The following PTPRD variants were observed in gnomAD, a reference collection of about 807,000 sequenced individuals.
PTPRD encodes the protein protein tyrosine phosphatase receptor type D.
Under a neutral mutation model 214.5 loss-of-function variants are expected in PTPRD, and 34 were observed. The ratio of observed to expected loss-of-function variants is 0.16; its 90% CI spans 0.12 to 0.21. The LOEUF (loss-of-function observed/expected upper bound fraction) is 0.21, where lower values mean the gene tolerates loss of function less well. PTPRD is among the 10% of genes least tolerant of loss of function. The probability of loss-of-function intolerance (pLI) is 1.00; values close to 1 mark genes in which losing one functional copy is unlikely to be tolerated. For synonymous variants in PTPRD, 1,128 were observed against 845.7 expected (o/e 1.33, Z -5.79); for missense variants, 2,545 against 2,398.7 (o/e 1.06, Z -1.27).
chr9:9,121,525 C>T (rs1173382769), intron 10 of PTPRD, among the ~76,000 whole-genome samples: 1 of 152,052 alleles, frequency 6.6e-6, no homozygotes, highest in Non-Finnish European at 1.5e-5. Context: ...TTTGCAATGA[C>T]CTGGATGAGT....
rs1023105294 is a variant in PTPRD at position 8,314,395 on chromosome 9, G to A, written c.*3479C>T. The A allele has an allele frequency of 5.7e-5, 13 of 229,464 alleles. No homozygotes were observed. In the South Asian group the frequency reaches 9.1e-4, roughly 16 times the overall value. The allele number at this position is 229,464 out of a possible 1,614,324, so 14.2% of individuals were successfully genotyped here. On this transcript the variant is annotated 3_prime_UTR_variant, in exon 46 of 46. Coordinates refer to ENST00000381196, the MANE Select transcript of PTPRD (RefSeq NM_002839.4). The stretch of plus-strand genomic sequence containing the variant: ...GCCTTTCATTCTGTAAAACATTTAC[G>A]CGTACTACTAATTAGAGGTAATTGT...
intron 12 of PTPRD, among the ~76,000 whole-genome samples, chr9:8,704,403 G>A (rs943496585): frequency 2.6e-5 from 4 of 152,130 alleles, no homozygotes; most frequent in African/African-American, 9.7e-5. Context: ...GAAGGAGGAT[G>A]GGAAGAAGGA....
At chr9:9,168,547 G>C (rs996615473) in intron 10 of PTPRD, among the ~76,000 whole-genome samples, 2 of 152,060 alleles carry the variant, frequency 1.3e-5, no homozygotes, top group Admixed American at 1.3e-4. Context: ...AATGTCTTTT[G>C]TTTAAAATAC....
chr9:9,269,442 G>A (rs1185224778), intron 9 of PTPRD, among the ~76,000 whole-genome samples: 1 of 134,784 alleles, frequency 7.4e-6, no homozygotes, highest in East Asian at 2.3e-4. Flanking sequence ...AAAACAATAT[G>A]GAGGTTCCTC....
chr9:8,518,088 A>C lies in PTPRD; in HGVS notation c.1303T>G (p.Leu435Val). The change falls in exon 21 of 46, where the codon TTG (leucine) becomes GTG (valine). Residue 435 changes from leucine (L) to valine (V), a missense_variant. Physicochemically the swap from Leu to Val is conservative, Grantham distance 32 (BLOSUM62 1). Coordinates refer to ENST00000381196, the MANE Select transcript of PTPRD (RefSeq NM_002839.4). ...QARMLSSTTI[L>V]VQWKEPEEPN... ...TCTTCAGGTTCCTTCCACTGTACCA[A>C]AATGGTGGTCGAACTCAACATTCGT... The C allele has an allele frequency of 6.2e-7, 1 of 1,614,194 alleles. No individual in the cohort carries two copies.
intron 8 of PTPRD, among the ~76,000 whole-genome samples, chr9:9,467,588 C>CAAAGAAAAAAAAAAA (rs2094287005): frequency 1.8e-5 from 1 of 55,954 alleles, no homozygotes; most frequent in Non-Finnish European, 3.2e-5. Context: ...CTCCATCTCC[C>CAAAGAAAAAAAAAAA]AAAAAAAAAA....
intron 5 of PTPRD, among the ~76,000 whole-genome samples, chr9:9,791,095 G>C (rs1012468207): frequency 9.2e-5 from 14 of 152,108 alleles, no homozygotes; most frequent in African/African-American, 3.4e-4. Flanking sequence ...GTAAAATTTT[G>C]TTACAGATTT....
At chr9:10,572,480 A>G (rs1285978331) in intron 2 of PTPRD, among the ~76,000 whole-genome samples, 1 of 152,156 alleles carries the variant, frequency 6.6e-6, no homozygotes, top group Non-Finnish European at 1.5e-5. Context: ...ACTTGTTCCT[A>G]TGAGGTAAAG....
chr9:10,065,190 A>AGAAAGAAAGAAAGAAAGAAG, intron 3 of PTPRD, among the ~76,000 whole-genome samples: 3 of 151,876 alleles, frequency 2.0e-5, no homozygotes, highest in Non-Finnish European at 4.4e-5. Context: ...AAAGAAAGAA[A>AGAAAGAAAGAAAGAAAGAAG]GAAAAGGATG....
chr9:8,817,039 T>C (rs1200687924), intron 11 of PTPRD, among the ~76,000 whole-genome samples: 1 of 152,220 alleles, frequency 6.6e-6, no homozygotes, highest in African/African-American at 2.4e-5. Context: ...ATCAACAATA[T>C]GAACCCCTTT....
chr9:10,354,969 T>G (rs2097250408), intron 2 of PTPRD, among the ~76,000 whole-genome samples: 1 of 152,188 alleles, frequency 6.6e-6, no homozygotes. Context: ...TACATTGTAT[T>G]TGCTAAATAG....
intron 10 of PTPRD, among the ~76,000 whole-genome samples, chr9:9,111,779 C>T (rs1591801144): frequency 1.3e-5 from 2 of 152,134 alleles, no homozygotes; most frequent in East Asian, 3.9e-4. Context: ...TTGAGGAAAA[C>T]ATTTTTTAAA....
chr9:9,376,949 A>G (rs1483349438), intron 9 of PTPRD, among the ~76,000 whole-genome samples: 1 of 152,112 alleles, frequency 6.6e-6, no homozygotes, highest in Non-Finnish European at 1.5e-5. Flanking sequence ...TCTCAGATCT[A>G]TATTCTAGGG....
At chr9:10,553,899 T>C (rs1266019946) in intron 2 of PTPRD, among the ~76,000 whole-genome samples, 1 of 152,212 alleles carries the variant, frequency 6.6e-6, no homozygotes, top group African/African-American at 2.4e-5. Context: ...TGAGTTAAAG[T>C]ATGCTAAAAA....
At chr9:10,531,485 TA>T (rs2056295453) in intron 2 of PTPRD, among the ~76,000 whole-genome samples, 1 of 152,178 alleles carries the variant, frequency 6.6e-6, no homozygotes, top group Admixed American at 6.5e-5. Flanking sequence ...GGTAGCATAT[TA>T]AATAATGAAG....
chr9:9,610,748 A>G (rs2094469705), intron 7 of PTPRD, among the ~76,000 whole-genome samples: 1 of 152,132 alleles, frequency 6.6e-6, no homozygotes, highest in Non-Finnish European at 1.5e-5. Flanking sequence ...TTTAATCATA[A>G]AAGTAATTCA....
chr9:9,827,377 G>A (rs1257140238), intron 5 of PTPRD, among the ~76,000 whole-genome samples: 1 of 151,996 alleles, frequency 6.6e-6, no homozygotes, highest in Non-Finnish European at 1.5e-5. Context: ...TCTGATCTTT[G>A]ACAAACCTGA....
At chr9:9,661,877 CAGTTA>C (rs964554615) in intron 7 of PTPRD, among the ~76,000 whole-genome samples, 3 of 151,688 alleles carry the variant, frequency 2.0e-5, no homozygotes, top group African/African-American at 7.2e-5. Flanking sequence ...AGATATTAAA[CAGTTA>C]AGTTATTTTG....
chr9:9,538,269 T>C (rs1281704641), intron 8 of PTPRD, among the ~76,000 whole-genome samples: 1 of 151,898 alleles, frequency 6.6e-6, no homozygotes. Flanking sequence ...AAAAAATAAT[T>C]TTAGTCACAC....
Sources: gnomAD v4.1 joint callset for allele counts (sites outside exome capture counted in the v4.1 genomes callset) on GRCh38, gnomAD v4.1.1 for gene constraint, MANE v1.5 for transcripts, NCBI Gene and HGNC (gene_info 2026-07-23, HGNC 2026-07-21) for gene names.